The following ZNF846 variants were observed in gnomAD, a reference collection of about 807,000 sequenced individuals.
The protein encoded by ZNF846 is zinc finger protein 846.
A neutral mutation model predicts 16.0 loss-of-function variants in ZNF846; 15 were observed. The observed-to-expected ratio is 0.94, with a 90% CI of 0.63 to 1.45. ZNF846 has a LOEUF of 1.45. Ranked by LOEUF, ZNF846 falls within the 40% of genes most tolerant of loss-of-function variation. The probability of loss-of-function intolerance (pLI) is 0.00; values close to 1 mark genes in which losing one functional copy is unlikely to be tolerated. For synonymous variants in ZNF846, 229 were observed against 212.0 expected, an observed-to-expected ratio of 1.08 and a Z score of -0.70; for missense variants, 714 against 622.3, an observed-to-expected ratio of 1.15 and a Z score of -1.57.
downstream of ZNF846, among the ~76,000 whole-genome samples, chr19:9,752,993 A>T (rs1462843780): frequency 6.6e-6 from 1 of 151,772 alleles, no homozygotes; most frequent in Non-Finnish European, 1.5e-5. Flanking sequence ...AGGTACAGTC[A>T]GATTCAGTGT....
downstream of ZNF846, among the ~76,000 whole-genome samples, chr19:9,751,689 AT>A (rs1446105801): frequency 6.6e-6 from 1 of 151,948 alleles, no homozygotes; most frequent in African/African-American, 2.4e-5. Context: ...ACTTTGTAAC[AT>A]TCCTCCCTGC....
At chr19:9,777,147 A>ATG (rs1372936022) in intron 1 of ZNF846, among the ~76,000 whole-genome samples, 22 of 143,752 alleles carry the variant, frequency 1.5e-4, no homozygotes, top group African/African-American at 6.2e-4. Flanking sequence ...ACACACACAC[A>ATG]CGCACACACA....
Position 9,758,069 on chromosome 19 carries a change from CT to C in ZNF846, c.1007del (p.Lys336SerfsTer22). 3 of 1,613,394 alleles carry C rather than the reference CT, an allele frequency of 1.9e-6. No homozygotes were observed. The highest frequency in any genetic ancestry group is 2.5e-6 in the Non-Finnish European group (3 of 1,179,968). ...TTCCACACTCCTTACATTCATATGG[CT>C]TTTCTCCAGTGTGAATTCGCATGTG... is the stretch of plus-strand genomic sequence containing the variant. On this transcript the variant is annotated frameshift_variant, in exon 6 of 6. Transcript: ENST00000397902. LOFTEE classifies it low-confidence loss of function (END_TRUNC).
upstream of ZNF846, among the ~76,000 whole-genome samples, chr19:9,772,235 T>C (rs1038229881): frequency 3.3e-5 from 5 of 152,210 alleles, no homozygotes; most frequent in African/African-American, 1.2e-4. Flanking sequence ...CAGTGCTCCA[T>C]AACTTAAGAA....
intron 1 of ZNF846, among the ~76,000 whole-genome samples, chr19:9,774,226 T>C (rs2045413967): frequency 6.6e-6 from 1 of 151,878 alleles, no homozygotes; most frequent in African/African-American, 2.4e-5. Context: ...CCCAGCACTT[T>C]GGGAGGCTGA....
chr19:9,757,492 C>G (rs760561196), exon 6 of ZNF846: 3 of 1,588,972 alleles, frequency 1.9e-6, no homozygotes, highest in Non-Finnish European at 2.6e-6. Context: ...TTTTCACATG[C>G]CTTAGTTCTT....
chr19:9,758,741 T>G (rs2045175837), exon 6 of ZNF846: 1 of 1,580,702 alleles, frequency 6.3e-7, no homozygotes, highest in Non-Finnish European at 8.6e-7. Flanking sequence ...AGTCATACAG[T>G]TTCTCTGCAG....
chr19:9,768,821 G>A (rs1599395779), upstream of ZNF846: 1 of 152,284 alleles, frequency 6.6e-6, no homozygotes, highest in South Asian at 2.1e-4. Flanking sequence ...TTTGGAATGA[G>A]GATGATGTGA....
chr19:9,748,687 AC>A (rs74312586), downstream of ZNF846, among the ~76,000 whole-genome samples: 18,409 of 152,056 alleles, frequency 0.12, 1,365 homozygotes, highest in Admixed American at 0.23. Flanking sequence ...AACATACCTC[AC>A]CAAGCTCAGC....
At chr19:9,779,571 ATTT>A (rs781610244) in intron 1 of ZNF846, among the ~76,000 whole-genome samples, 1 of 101,286 alleles carries the variant, frequency 9.9e-6, no homozygotes. Flanking sequence ...CCCCACCAGA[ATTT>A]TTTTTTTTTT....
downstream of ZNF846, among the ~76,000 whole-genome samples, chr19:9,754,546 C>A (rs1260923257): frequency 1.8e-5 from 2 of 108,124 alleles, no homozygotes; most frequent in Non-Finnish European, 3.3e-5. Context: ...GCCTGGGCGA[C>A]AGAGCGAGAC....
chr19:9,760,897 T>C (rs1052392121), intron 4 of ZNF846, among the ~76,000 whole-genome samples: 5 of 151,446 alleles, frequency 3.3e-5, no homozygotes, highest in Non-Finnish European at 7.4e-5. Flanking sequence ...TTTGGTGTGA[T>C]GGTAATGCTT....
At chr19:9,751,664 C>T (rs146786332), downstream of ZNF846, among the ~76,000 whole-genome samples, 2 of 152,132 alleles carry the variant, frequency 1.3e-5, no homozygotes, top group East Asian at 1.9e-4. Context: ...ACATCCTCCC[C>T]GCCCTTGTGA....
chr19:9,748,830 G>T (rs985041573), downstream of ZNF846, among the ~76,000 whole-genome samples: 1 of 152,046 alleles, frequency 6.6e-6, no homozygotes, highest in East Asian at 1.9e-4. Flanking sequence ...CCCCCACCTT[G>T]TGCCAGACAC....
chr19:9,758,431 G>A (rs768518037), exon 6 of ZNF846: 1 of 1,612,974 alleles, frequency 6.2e-7, no homozygotes, highest in Admixed American at 1.7e-5. Flanking sequence ...GATCTTATAT[G>A]TAACTTAAGG....
upstream of ZNF846, among the ~76,000 whole-genome samples, chr19:9,770,457 A>G (rs1165773506): frequency 6.8e-6 from 1 of 147,304 alleles, no homozygotes; most frequent in Non-Finnish European, 1.5e-5. Flanking sequence ...TCATAACATC[A>G]GTTGTTGGAT....
intron 4 of ZNF846, among the ~76,000 whole-genome samples, chr19:9,761,755 T>C (rs1052201779): frequency 4.7e-5 from 7 of 150,322 alleles, no homozygotes; most frequent in East Asian, 1.9e-4. Context: ...ACTAATAATA[T>C]GCAGAAAACT....
chr19:9,749,539 AGTCT>A (rs1219663797), downstream of ZNF846, among the ~76,000 whole-genome samples: 6 of 146,570 alleles, frequency 4.1e-5, no homozygotes, highest in East Asian at 1.9e-4. Context: ...TATCCTGATA[AGTCT>A]TTCTTTTTTT....
At chr19:9,758,188 G>A in exon 6 of ZNF846, 1 of 1,613,176 alleles carries the variant, frequency 6.2e-7, no homozygotes, top group Non-Finnish European at 8.5e-7. Flanking sequence ...TGATCAGTAA[G>A]GTATGAAGAA....
Sources: allele counts gnomAD v4.1 joint callset (sites outside exome capture counted in the v4.1 genomes callset), GRCh38; gene constraint gnomAD v4.1.1; transcripts MANE v1.5; gene names NCBI Gene and HGNC (gene_info 2026-07-23, HGNC 2026-07-21).